The following DPY19L1 variants were observed in gnomAD, a reference collection of about 807,000 sequenced individuals.
The protein encoded by DPY19L1 is dpy-19 like C-mannosyltransferase 1.
A neutral mutation model predicts 96.9 loss-of-function variants in DPY19L1; 35 were observed. The observed-to-expected ratio is 0.36, with a 90% confidence interval of 0.28 to 0.48. The LOEUF (loss-of-function observed/expected upper bound fraction) is 0.48. Among genes scored for constraint, DPY19L1 ranks in the 20% least tolerant of loss-of-function variants. The pLI is 0.99. For synonymous variants in DPY19L1, 205 were observed against 252.6 expected, an observed-to-expected ratio of 0.81 and a Z score of 1.79; for missense variants, 521 against 777.9, an observed-to-expected ratio of 0.67 and a Z score of 3.93.
chr7:34,987,354 C>A (rs541675651), intron 7 of DPY19L1, among the ~76,000 whole-genome samples: 1 of 151,970 alleles, frequency 6.6e-6, no homozygotes, highest in African/African-American at 2.4e-5. Flanking sequence ...TCACAAGTTT[C>A]GGATTTGAAG....
chr7:35,037,762 G>C, upstream of DPY19L1: 1 of 1,114,920 alleles, frequency 9.0e-7, no homozygotes, highest in Non-Finnish European at 1.1e-6. Flanking sequence ...CAGCGCGCAC[G>C]CGCGGACTTC....
rs182962736 is a variant in DPY19L1 at position 34,968,685 on chromosome 7, G to C, written c.1014+748C>G. ...CTTGGGAGGCTGAGGCAGGAGAATC[G>C]CTTGAACCCAGGAGGTGGGGTTGCA... is the stretch of plus-strand genomic sequence containing the variant. On this transcript the variant is annotated intron_variant, in intron 9 of 21. Coordinates refer to ENST00000638088, the MANE Select transcript of DPY19L1 (RefSeq NM_001366673.1). Among the ~76,000 whole-genome samples the C allele has an allele frequency of 2.3e-3, 317 of 138,918 alleles. 2 individuals are homozygous for C. The highest frequency in any genetic ancestry group is 7.9e-3 in the African/African-American group (297 of 37,780). The allele number at this position is 138,918 out of a possible 152,430, so 91.1% of individuals were successfully genotyped here. A position where few individuals can be genotyped will look rare whatever the true frequency, so the allele number is the denominator to read the frequency against.
intron 10 of DPY19L1, among the ~76,000 whole-genome samples, chr7:34,961,828 C>T (rs1784507061): frequency 6.6e-6 from 1 of 152,108 alleles, no homozygotes; most frequent in African/African-American, 2.4e-5. Flanking sequence ...TTAATAGACA[C>T]TTCACCAAAA....
intron 6 of DPY19L1, among the ~76,000 whole-genome samples, chr7:35,010,025 T>C (rs1433823158): frequency 3.9e-5 from 6 of 152,096 alleles, no homozygotes; most frequent in East Asian, 1.9e-4. Context: ...GCCCAGGAAG[T>C]TGAGACTAGT....
chr7:34,942,180 C>G (rs1194175948), intron 17 of DPY19L1, among the ~76,000 whole-genome samples: 2 of 152,098 alleles, frequency 1.3e-5, no homozygotes, highest in African/African-American at 2.4e-5. Context: ...CAAGAAAAGA[C>G]AGTGGTAAAA....
Position 35,037,109 on chromosome 7 carries a change from T to TGGTCCA in DPY19L1, c.280_285dup (p.Trp94_Thr95dup), listed in dbSNP as rs1309876535. ...TAGGGCTGCTCACCTAACAGGAGCG[T>TGGTCCA]GGTCCAGGTCCGGCCGCGCCCCGCG... is the stretch of plus-strand genomic sequence containing the variant. On this transcript the variant is annotated inframe_insertion, in exon 1 of 22. Coordinates refer to ENST00000638088, the MANE Select transcript of DPY19L1 (RefSeq NM_001366673.1). 9.9e-6 allele frequency: 2 copies of TGGTCCA among 202,952 alleles called. No individual in the cohort carries two copies. The highest frequency in any genetic ancestry group is 2.0e-5 in the Non-Finnish European group (2 of 101,306). 12.6% of individuals were successfully genotyped at this position (202,952 alleles called of 1,614,324 possible).
chr7:35,028,887 G>A (rs748290226), intron 1 of DPY19L1, among the ~76,000 whole-genome samples: 4 of 152,190 alleles, frequency 2.6e-5, no homozygotes, highest in Non-Finnish European at 5.9e-5. Context: ...CATGGCATTT[G>A]TAAACTGTCA....
At chr7:35,010,424 T>C (rs1785678847) in intron 6 of DPY19L1, 44 bp downstream of exon 6, 4 of 1,131,002 alleles carry the variant, frequency 3.5e-6, no homozygotes, top group Non-Finnish European at 5.1e-6. Context: ...AATCAACTAT[T>C]TTATTTTAGT....
chr7:34,949,847 C>A lies in DPY19L1; in HGVS notation c.1372G>T (p.Asp458Tyr). 2 of 1,602,744 alleles carry A rather than the reference C, an allele frequency of 1.2e-6. No individual in the cohort carries two copies. Among genetic ancestry groups the A allele is most frequent in the South Asian group, 1.1e-5 (1 of 88,108 alleles). Reference sequence around the variant, plus strand: ...GCTGCACAGGTATACAATAAAGTATCAAAATCCTTATAACTAAAGAATTTT... The same window carrying A: ...GCTGCACAGGTATACAATAAAGTATAAAAATCCTTATAACTAAAGAATTTT... ...TSKFFSYKDFDTLLYTCAAEF... is the reference protein window; with the variant it reads ...TSKFFSYKDFYTLLYTCAAEF... Residue 458 changes from aspartate to tyrosine, a missense_variant, in exon 14 of 22, where the codon GAT becomes TAT. Coordinates refer to ENST00000638088, the MANE Select transcript of DPY19L1 (RefSeq NM_001366673.1).
chr7:34,945,817 A>G (rs904554198), intron 15 of DPY19L1, 101 bp from the exon 16 acceptor site: 28 of 780,752 alleles, frequency 3.6e-5, no homozygotes, highest in Middle Eastern at 3.0e-4. Context: ...TAATGAAAAT[A>G]TAAGTATAGA....
At chr7:34,990,342 GGAGA>G (rs915053175) in intron 6 of DPY19L1, among the ~76,000 whole-genome samples, 5 of 152,066 alleles carry the variant, frequency 3.3e-5, no homozygotes, top group Admixed American at 1.3e-4. Context: ...TAGGAAAAAG[GGAGA>G]GAAAGACGTG....
chr7:35,025,805 G>C (rs908221762), intron 1 of DPY19L1, among the ~76,000 whole-genome samples: 1 of 152,136 alleles, frequency 6.6e-6, no homozygotes, highest in Non-Finnish European at 1.5e-5. Flanking sequence ...AGAGTCCCTG[G>C]GGCCAGTAAC....
chr7:35,006,321 A>C (rs1400911066), intron 6 of DPY19L1, among the ~76,000 whole-genome samples: 1 of 152,234 alleles, frequency 6.6e-6, no homozygotes, highest in Non-Finnish European at 1.5e-5. Context: ...ATCACACTAA[A>C]GTGCAAAGAA....
intron 16 of DPY19L1, among the ~76,000 whole-genome samples, chr7:34,942,905 C>A (rs1311137800): frequency 6.6e-6 from 1 of 152,150 alleles, no homozygotes; most frequent in East Asian, 1.9e-4. Flanking sequence ...ACGGTGGTGT[C>A]CCAGCTCCCT....
At chr7:35,022,279 A>G (rs1341800869) in intron 1 of DPY19L1, among the ~76,000 whole-genome samples, 1 of 152,236 alleles carries the variant, frequency 6.6e-6, no homozygotes, top group African/African-American at 2.4e-5. Flanking sequence ...ATATTTTTAA[A>G]AAATCCAAAC....
At chr7:35,035,008 T>C (rs1354851378) in intron 1 of DPY19L1, among the ~76,000 whole-genome samples, 1 of 152,098 alleles carries the variant, frequency 6.6e-6, no homozygotes, top group African/African-American at 2.4e-5. Context: ...ATCTGAGTGG[T>C]TTTTTGACGC....
intron 16 of DPY19L1, among the ~76,000 whole-genome samples, chr7:34,943,714 C>A (rs759752559): frequency 6.6e-6 from 1 of 152,176 alleles, no homozygotes; most frequent in Admixed American, 6.5e-5. Context: ...CCTATAATTA[C>A]TTCTATAGGT....
chr7:34,940,066 T>G, intron 19 of DPY19L1, 87 bp downstream of exon 19: 1 of 1,201,766 alleles, frequency 8.3e-7, no homozygotes, highest in Non-Finnish European at 1.1e-6. Context: ...TGGAAGTAAC[T>G]AGGGTTTAAG....
At chr7:34,952,836 A>G (rs1333420350) in intron 13 of DPY19L1, among the ~76,000 whole-genome samples, 1 of 152,202 alleles carries the variant, frequency 6.6e-6, no homozygotes, top group Non-Finnish European at 1.5e-5. Context: ...AAAAACACTC[A>G]TATCAGGTTC....
Sources: allele counts gnomAD v4.1 joint callset (sites outside exome capture counted in the v4.1 genomes callset), GRCh38; gene constraint gnomAD v4.1.1; transcripts MANE v1.5; gene names NCBI Gene and HGNC (gene_info 2026-07-23, HGNC 2026-07-21).